MACROD2: variants seen among roughly 807,000 people sequenced by gnomAD.
MACROD2 encodes the protein mono-ADP ribosylhydrolase 2, also known as ADP-ribose glycohydrolase MACROD2.
Under a neutral mutation model 70.4 loss-of-function variants are expected in MACROD2, and 36 were observed. The observed-to-expected ratio is 0.51, with a 90% CI of 0.39 to 0.68. The LOEUF (loss-of-function observed/expected upper bound fraction) is 0.68, where lower values mean the gene tolerates loss of function less well. Ranked by LOEUF, MACROD2 falls within the 30% of genes least tolerant of loss-of-function variation. The pLI, the probability that MACROD2 is intolerant of heterozygous loss-of-function variation, is 0.00. For missense variants in MACROD2, 496 were observed against 538.4 expected, an observed-to-expected ratio of 0.92 and a Z score of 0.78; for synonymous variants, 172 against 178.8, an observed-to-expected ratio of 0.96 and a Z score of 0.30.
At chr20:15,496,284 A>C (rs902377939) in intron 7 of MACROD2, among the ~76,000 whole-genome samples, 1 of 152,256 alleles carries the variant, frequency 6.6e-6, no homozygotes, top group East Asian at 1.9e-4. Context: ...TGTTGCATCA[A>C]GGTCCAGGGC....
intron 3 of MACROD2, among the ~76,000 whole-genome samples, chr20:14,181,472 A>C (rs1012165556): frequency 6.6e-6 from 1 of 152,164 alleles, no homozygotes; most frequent in African/African-American, 2.4e-5. Flanking sequence ...CAGATTTAAA[A>C]AAATCAAGAT....
At chr20:15,813,446 A>G (rs1489307213) in intron 8 of MACROD2, among the ~76,000 whole-genome samples, 1 of 152,196 alleles carries the variant, frequency 6.6e-6, no homozygotes, top group Non-Finnish European at 1.5e-5. Context: ...GTTAGATGCC[A>G]GCTGAATAGA....
intron 3 of MACROD2, among the ~76,000 whole-genome samples, chr20:14,380,084 G>C (rs764865559): frequency 2.0e-5 from 3 of 151,934 alleles, no homozygotes; most frequent in African/African-American, 4.8e-5. Context: ...AATGTATGAG[G>C]GTTCAAATTT....
chr20:15,981,541 T>A (rs2066400288), intron 13 of MACROD2, among the ~76,000 whole-genome samples: 1 of 152,168 alleles, frequency 6.6e-6, no homozygotes, highest in South Asian at 2.1e-4. Context: ...TGATCTCTTA[T>A]TACAGTTTTT....
chr20:14,734,546 C>CAAA (rs11482345), intron 5 of MACROD2, among the ~76,000 whole-genome samples: 6 of 143,532 alleles, frequency 4.2e-5, no homozygotes, highest in South Asian at 2.2e-4. Flanking sequence ...AACAAAAAAG[C>CAAA]AAAAAAAAAA....
intron 8 of MACROD2, among the ~76,000 whole-genome samples, chr20:15,522,872 A>G (rs2047671510): frequency 6.6e-6 from 1 of 152,214 alleles, no homozygotes; most frequent in Non-Finnish European, 1.5e-5. Flanking sequence ...GGAGAGTTTT[A>G]TGAAACTTTT....
At chr20:14,030,516 C>T (rs2053233214) in intron 2 of MACROD2, among the ~76,000 whole-genome samples, 3 of 151,988 alleles carry the variant, frequency 2.0e-5, no homozygotes, top group Non-Finnish European at 2.9e-5. Context: ...TCAAGCGATT[C>T]TCCTGACTTA....
chr20:14,296,221 A>C (rs998376095), intron 3 of MACROD2, among the ~76,000 whole-genome samples: 2 of 151,924 alleles, frequency 1.3e-5, no homozygotes, highest in Non-Finnish European at 2.9e-5. Flanking sequence ...GGATACAATG[A>C]CCTTGGGAAA....
intron 5 of MACROD2, among the ~76,000 whole-genome samples, chr20:14,944,561 C>G (rs1310597557): frequency 6.6e-6 from 1 of 152,118 alleles, no homozygotes; most frequent in Non-Finnish European, 1.5e-5. Flanking sequence ...AAAGGAGAAA[C>G]CAAGAAGCAC....
At chr20:14,392,400 CA>C (rs1212648718) in intron 3 of MACROD2, among the ~76,000 whole-genome samples, 1 of 151,996 alleles carries the variant, frequency 6.6e-6, no homozygotes, top group Non-Finnish European at 1.5e-5. Context: ...TATGTGACTT[CA>C]AAAGATTATT....
At chr20:14,599,436 C>T (rs10470062) in intron 4 of MACROD2, among the ~76,000 whole-genome samples, 22,173 of 151,960 alleles carry the variant, frequency 0.15, 1,812 homozygotes, top group East Asian at 0.26. Flanking sequence ...AAAGGATATC[C>T]GGGTAGTCAA....
At chr20:15,280,201 A>T (rs2077430562) in intron 6 of MACROD2, among the ~76,000 whole-genome samples, 1 of 152,250 alleles carries the variant, frequency 6.6e-6, no homozygotes, top group African/African-American at 2.4e-5. Flanking sequence ...GCACAAATGC[A>T]TAAAGATGGT....
At chr20:14,015,869 A>T (rs1319584946) in intron 2 of MACROD2, among the ~76,000 whole-genome samples, 1 of 152,190 alleles carries the variant, frequency 6.6e-6, no homozygotes, top group Non-Finnish European at 1.5e-5. Flanking sequence ...CTGTTTATCC[A>T]TTTAACTGTT....
chr20:15,319,458 AC>A (rs1437174433), intron 6 of MACROD2, among the ~76,000 whole-genome samples: 1 of 152,212 alleles, frequency 6.6e-6, no homozygotes, highest in African/African-American at 2.4e-5. Flanking sequence ...AAAGTCACCT[AC>A]TAGAATAGCA....
chr20:15,508,211 A>G (rs1014214695), intron 8 of MACROD2, among the ~76,000 whole-genome samples: 5 of 151,932 alleles, frequency 3.3e-5, no homozygotes, highest in Admixed American at 6.6e-5. Context: ...TGAACCTAGT[A>G]CTATGTCCAT....
At chr20:14,896,926 A>C (rs1287906380) in intron 5 of MACROD2, among the ~76,000 whole-genome samples, 1 of 152,132 alleles carries the variant, frequency 6.6e-6, no homozygotes, top group Non-Finnish European at 1.5e-5. Context: ...TTATTATCTT[A>C]AAAAAATAAA....
At chr20:15,953,806 C>T (rs568120487) in intron 12 of MACROD2, among the ~76,000 whole-genome samples, 8 of 152,174 alleles carry the variant, frequency 5.3e-5, no homozygotes, top group Non-Finnish European at 1.0e-4. Flanking sequence ...CATCCTTATT[C>T]CAAAATCATA....
chr20:15,779,958 A>C (rs139175540), intron 8 of MACROD2, among the ~76,000 whole-genome samples: 45 of 152,254 alleles, frequency 3.0e-4, no homozygotes, highest in African/African-American at 1.1e-3. Context: ...GTTATAAGGC[A>C]TTTTAGCATA....
At chr20:14,275,117 T>A (rs1272988187) in intron 3 of MACROD2, among the ~76,000 whole-genome samples, 1 of 152,064 alleles carries the variant, frequency 6.6e-6, no homozygotes, top group Non-Finnish European at 1.5e-5. Flanking sequence ...CTTTACAGAA[T>A]TGGAAAAAAC....
Sources: allele counts gnomAD v4.1 joint callset (sites outside exome capture counted in the v4.1 genomes callset), GRCh38; gene constraint gnomAD v4.1.1; transcripts MANE v1.5; gene names NCBI Gene and HGNC (gene_info 2026-07-23, HGNC 2026-07-21).